Variants in CHST15 observed in about 807,000 individuals in gnomAD.
CHST15 encodes the protein carbohydrate sulfotransferase 15, also known as B cell RAG associated protein (GALNAC4S-6ST).
Under a neutral mutation model 53.6 loss-of-function variants are expected in CHST15, and 30 were observed. The ratio of observed to expected loss-of-function variants is 0.56; its 90% CI spans 0.42 to 0.76. The LOEUF (loss-of-function observed/expected upper bound fraction) is 0.76. Among genes scored for constraint, CHST15 ranks in the 30% least tolerant of loss-of-function variants. The pLI, the probability that CHST15 is intolerant of heterozygous loss-of-function variation, is 0.00. For synonymous variants in CHST15, 296 were observed against 289.8 expected, an observed-to-expected ratio of 1.02 and a Z score of -0.22; for missense variants, 627 against 740.5, an observed-to-expected ratio of 0.85 and a Z score of 1.78.
chr10:124,057,686 A>G (rs1285986369), intron 1 of CHST15, among the ~76,000 whole-genome samples: 2 of 152,226 alleles, frequency 1.3e-5, no homozygotes, highest in Non-Finnish European at 2.9e-5. Context: ...CAGAAGAACT[A>G]GCTCTGCTCC....
rs1246761656 is a variant in CHST15, at chr10:124,019,462, T to G, written c.1347+1794A>C. Among the ~76,000 whole-genome samples, 1 of 152,156 alleles carries G rather than the reference T, an allele frequency of 6.6e-6. No individual in the cohort carries two copies. Among genetic ancestry groups the G allele is most frequent in the Non-Finnish European group, 1.5e-5 (1 of 68,016 alleles). On this transcript the variant is annotated intron_variant, in intron 6 of 7. Transcript: ENST00000435907. The surrounding 1 kb of genome is among the most constrained non-coding windows in gnomAD (Gnocchi z 4.6). Reference sequence around the variant, plus strand: ...CACAAATAGAGTTTCTCCGAGACCCTGTGTCCCCTGTGACGGTGGCCACAG... The same window carrying G: ...CACAAATAGAGTTTCTCCGAGACCCGGTGTCCCCTGTGACGGTGGCCACAG...
chr10:124,043,126 A>G (rs1035444119), intron 3 of CHST15, among the ~76,000 whole-genome samples: 5 of 152,186 alleles, frequency 3.3e-5, no homozygotes, highest in African/African-American at 1.2e-4. Context: ...TCCCAACACC[A>G]CAACTCCTGA....
intron 5 of CHST15, among the ~76,000 whole-genome samples, chr10:124,029,797 C>G (rs528544229): frequency 6.6e-6 from 1 of 152,308 alleles, no homozygotes; most frequent in Admixed American, 6.5e-5. Context: ...TGTGCTGCCA[C>G]CCCCTCCTTC....
chr10:124,011,102 C>T, intron 7 of CHST15: 14 of 982,900 alleles, frequency 1.4e-5, no homozygotes, highest in Non-Finnish European at 1.7e-5. Flanking sequence ...ACGCCCCGCC[C>T]TCTGGAGTGA....
chr10:124,052,071 T>A (rs917981966), intron 1 of CHST15, among the ~76,000 whole-genome samples: 2 of 152,260 alleles, frequency 1.3e-5, no homozygotes, highest in Non-Finnish European at 2.9e-5. Flanking sequence ...ATTTTTCTTT[T>A]ATGTTTTAAG....
At chr10:124,071,183 T>A (rs1025674173) in intron 1 of CHST15, among the ~76,000 whole-genome samples, 2 of 152,228 alleles carry the variant, frequency 1.3e-5, no homozygotes, top group Non-Finnish European at 2.9e-5. Context: ...CTCAGCTCTC[T>A]CTTCCTAGCC....
chr10:124,034,797 G>GCCCCTAACGGGGACCCCGGCTCCGC (rs1947382630), intron 5 of CHST15, among the ~76,000 whole-genome samples: 4 of 100,536 alleles, frequency 4.0e-5, no homozygotes, highest in African/African-American at 1.8e-4. Context: ...CGCCGGCTCC[G>GCCCCTAACGGGGACCCCGGCTCCGC]CCCCTAACGG....
chr10:124,093,244 G>GGCC (rs889807617), intron 1 of CHST15, among the ~76,000 whole-genome samples: 3 of 150,272 alleles, frequency 2.0e-5, no homozygotes, highest in Non-Finnish European at 4.4e-5. Context: ...TGTCTGCCTG[G>GGCC]GCCGCCGCCG....
rs1946333954 is a variant in CHST15, at chr10:124,008,780, T to G, written c.*1369A>C. ...ACTTTGGTTCACAGGAAGCTTCCCT[T>G]GACAATACTTGAGTGCAAAGCTTCA... On this transcript the variant is annotated 3_prime_UTR_variant, in exon 8 of 8. Coordinates refer to ENST00000435907, the MANE Select transcript of CHST15 (RefSeq NM_001270764.2). 2 of 1,170,294 alleles carry G rather than the reference T, an allele frequency of 1.7e-6. No individual in the cohort carries two copies. The highest frequency in any genetic ancestry group is 3.2e-5 in the South Asian group (2 of 61,872). The allele number at this position is 1,170,294 out of a possible 1,614,324, so 72.5% of individuals were successfully genotyped here.
chr10:124,020,676 G>A (rs1421013963), intron 6 of CHST15: 4 of 995,392 alleles, frequency 4.0e-6, no homozygotes, highest in South Asian at 9.0e-5. Flanking sequence ...AGCCAGCCCA[G>A]GGAGCCCAGC....
intron 5 of CHST15, among the ~76,000 whole-genome samples, chr10:124,032,192 C>T (rs868247460): frequency 6.6e-6 from 1 of 152,206 alleles, no homozygotes; most frequent in African/African-American, 2.4e-5. Flanking sequence ...AAGAAAAGAA[C>T]TAGCCAGGTT....
At chr10:124,089,989 T>C (rs1358311403) in intron 1 of CHST15, among the ~76,000 whole-genome samples, 1 of 152,070 alleles carries the variant, frequency 6.6e-6, no homozygotes, top group Non-Finnish European at 1.5e-5. Context: ...GGCACACGAG[T>C]ACATGAAGGA....
chr10:124,029,217 C>G (rs534853066), intron 5 of CHST15, among the ~76,000 whole-genome samples: 1 of 152,284 alleles, frequency 6.6e-6, no homozygotes. Flanking sequence ...AGACGGAGCC[C>G]TTTTGTTCCA....
Position 124,089,821 on chromosome 10 carries a change from T to G in CHST15, c.-513+3648A>C, listed in dbSNP as rs1949550609. On this transcript the variant is annotated intron_variant, in intron 1 of 7. Coordinates refer to ENST00000435907, the MANE Select transcript of CHST15 (RefSeq NM_001270764.2). ...ACACAGCCAATTCCGCTTGTCCCCA[T>G]CCCATGAGGGCTGGGACCCTGTCTG... is the stretch of plus-strand genomic sequence containing the variant. Among the ~76,000 whole-genome samples the G allele has an allele frequency of 2.6e-5, 4 of 152,052 alleles. No individual in the cohort carries two copies. In the South Asian group the frequency reaches 8.3e-4, roughly 31 times the overall value.
rs777388373 is a variant in CHST15, at chr10:124,014,714, C to G, written c.1348-2234G>C. Among the ~76,000 whole-genome samples, 15 of 152,328 alleles carry G rather than the reference C, an allele frequency of 9.8e-5. No homozygotes were observed. The South Asian group carries it at 1.4e-3, about 15-fold the overall frequency. ...GGTTTTTCTTTTCCAGAGGACGTGC[C>G]TTTCAACAGGAGAACTTTCCAGAAG... On this transcript the variant is annotated intron_variant, in intron 6 of 7. Coordinates refer to ENST00000435907, the MANE Select transcript of CHST15 (RefSeq NM_001270764.2).
At chr10:124,035,690 T>C (rs1389783638) in intron 5 of CHST15, among the ~76,000 whole-genome samples, 1 of 152,248 alleles carries the variant, frequency 6.6e-6, no homozygotes, top group African/African-American at 2.4e-5. Flanking sequence ...GGTGTTTTCC[T>C]TTGCACCTGT....
chr10:124,052,486 G>A (rs1015638689), intron 1 of CHST15, among the ~76,000 whole-genome samples: 4 of 152,124 alleles, frequency 2.6e-5, no homozygotes, highest in African/African-American at 7.2e-5. Context: ...TCCACCCAGC[G>A]GCCTTGGACA....
intron 5 of CHST15, among the ~76,000 whole-genome samples, chr10:124,032,562 T>A (rs746180045): frequency 4.6e-5 from 7 of 152,198 alleles, no homozygotes; most frequent in Non-Finnish European, 7.3e-5. Context: ...AGGAGGCTAA[T>A]GTGAGATGCA....
intron 1 of CHST15, among the ~76,000 whole-genome samples, chr10:124,089,499 A>G (rs374638664): frequency 6.6e-6 from 1 of 152,234 alleles, no homozygotes; most frequent in East Asian, 1.9e-4. Context: ...AGCCCAGTAC[A>G]GTGGAGATGA....
Sources: allele counts gnomAD v4.1 joint callset (sites outside exome capture counted in the v4.1 genomes callset), GRCh38; gene constraint gnomAD v4.1.1; non-coding constraint Gnocchi (gnomAD v3.1); transcripts MANE v1.5; gene names NCBI Gene and HGNC (gene_info 2026-07-23, HGNC 2026-07-21).